PARD3B: variants seen among roughly 807,000 people sequenced by gnomAD.
The protein encoded by PARD3B is par-3 family cell polarity regulator beta, also known as partitioning defective 3 homolog B.
PARD3B carries 103 observed loss-of-function variants against 130.2 expected under a neutral mutation model. The ratio of observed to expected loss-of-function variants is 0.79; its 90% CI spans 0.67 to 0.93. The LOEUF is 0.93. Among genes scored for constraint, PARD3B ranks in the 40% least tolerant of loss-of-function variants. The probability of loss-of-function intolerance (pLI) is 0.00; values close to 1 mark genes in which losing one functional copy is unlikely to be tolerated. For synonymous variants in PARD3B, 583 were observed against 553.2 expected (o/e 1.05, Z -0.76); for missense variants, 1,609 against 1,499.2 (o/e 1.07, Z -1.21).
intron 2 of PARD3B, among the ~76,000 whole-genome samples, chr2:204,750,137 A>G (rs1009697053): frequency 6.6e-6 from 1 of 152,216 alleles, no homozygotes; most frequent in Admixed American, 6.5e-5. Flanking sequence ...CTTAGGTGGC[A>G]TAAGATTTGA....
At chr2:205,548,381 T>A (rs1225048117) in intron 21 of PARD3B, among the ~76,000 whole-genome samples, 3 of 152,122 alleles carry the variant, frequency 2.0e-5, no homozygotes, top group Non-Finnish European at 2.9e-5. Context: ...AGATATTCCC[T>A]CCTCCCACCT....
chr2:204,671,076 T>C (rs527849355), intron 1 of PARD3B, among the ~76,000 whole-genome samples: 1 of 152,234 alleles, frequency 6.6e-6, no homozygotes, highest in Non-Finnish European at 1.5e-5. Context: ...TTCCCATCTC[T>C]TGTGTGTTGG....
In PARD3B at chr2:205,375,366, AG is replaced by A. The variant is rs1248818771; in HGVS notation, c.2631-25645del. 2.6e-5 allele frequency among the ~76,000 whole-genome samples: 4 copies of A among 152,360 alleles called. No homozygotes were observed. The East Asian group carries it at 7.7e-4, about 29-fold the overall frequency. ...CTCATTCATTCCTTAAGAGAATAAT[AG>A]GAACTAAGGCTAAAGAAGTGAGTGA... On this transcript the variant is annotated intron_variant, in intron 18 of 22. Transcript: ENST00000406610.
intron 13 of PARD3B, among the ~76,000 whole-genome samples, chr2:205,184,114 T>C (rs2035958684): frequency 6.6e-6 from 1 of 152,118 alleles, no homozygotes; most frequent in Non-Finnish European, 1.5e-5. Flanking sequence ...CCCACCCCAT[T>C]AGAGGGGACA....
At chr2:205,504,968 T>C (rs1284048490) in intron 21 of PARD3B, among the ~76,000 whole-genome samples, 2 of 152,146 alleles carry the variant, frequency 1.3e-5, no homozygotes, top group East Asian at 1.9e-4. Flanking sequence ...CTATTCACAA[T>C]AGCAAAGACT....
chr2:205,068,845 G>A (rs904620448), intron 4 of PARD3B, among the ~76,000 whole-genome samples: 2 of 151,934 alleles, frequency 1.3e-5, no homozygotes, highest in South Asian at 4.2e-4. Context: ...TGTACCCATT[G>A]CTAATTTAAT....
intron 1 of PARD3B, among the ~76,000 whole-genome samples, chr2:204,647,660 T>A (rs1282696366): frequency 6.6e-6 from 1 of 151,846 alleles, no homozygotes; most frequent in Non-Finnish European, 1.5e-5. Context: ...ATAATTTAAA[T>A]GTTTTTAAGG....
chr2:204,960,106 C>A (rs186195736), intron 2 of PARD3B, among the ~76,000 whole-genome samples: 1 of 152,288 alleles, frequency 6.6e-6, no homozygotes, highest in East Asian at 1.9e-4. Context: ...CTGGACACAT[C>A]ACTGTTGAGC....
In PARD3B at chr2:205,116,037, G is replaced by A. The variant is rs1703999888; in HGVS notation, c.680+2460G>A. On this transcript the variant is annotated intron_variant, in intron 6 of 22. Coordinates refer to ENST00000406610, the MANE Select transcript of PARD3B (RefSeq NM_001302769.2). This position sits in a 1 kb window ranked among gnomAD's most constrained non-coding sequence, Gnocchi z 4.5. ...ATAAGTAAATTATAGTGGCTGCTCT[G>A]CTAGATAAAGCCTCAATGAATTCAT... Among the ~76,000 whole-genome samples the A allele has an allele frequency of 6.6e-6, 1 of 151,670 alleles. No homozygotes were observed. The highest frequency in any genetic ancestry group is 2.1e-4 in the South Asian group (1 of 4,814).
At position 205,037,066 on chromosome 2, in the gene PARD3B, G is replaced by A. The variant is rs865945803; in HGVS notation, c.395-10515G>A. 3.1e-5 allele frequency among the ~76,000 whole-genome samples: 4 copies of A among 128,758 alleles called. No homozygotes were observed. In the East Asian group the frequency reaches 7.1e-4, roughly 23 times the overall value. 84.5% of individuals were successfully genotyped at this position (128,758 alleles called of 152,430 possible). A position where few individuals can be genotyped will look rare whatever the true frequency, so the allele number is the denominator to read the frequency against. ...CATAAAACAAATATACATATGTAGCGGACTGTATATATAAAACAAATATAC... is the reference window on the plus strand; with the variant it reads ...CATAAAACAAATATACATATGTAGCAGACTGTATATATAAAACAAATATAC... On this transcript the variant is annotated intron_variant, in intron 3 of 22. Coordinates refer to ENST00000406610, the MANE Select transcript of PARD3B (RefSeq NM_001302769.2).
chr2:204,823,440 A>G (rs2043444713), intron 2 of PARD3B, among the ~76,000 whole-genome samples: 2 of 152,094 alleles, frequency 1.3e-5, no homozygotes, highest in African/African-American at 4.8e-5. Flanking sequence ...ACTATGGTAA[A>G]TATGGAGATG....
chr2:204,878,217 T>G (rs760401286), intron 2 of PARD3B, among the ~76,000 whole-genome samples: 33 of 152,170 alleles, frequency 2.2e-4, no homozygotes, highest in South Asian at 6.2e-4. Flanking sequence ...AAAAGCTAAT[T>G]ATGTGCCATC....
chr2:205,502,574 C>A (rs2050196385), intron 21 of PARD3B, among the ~76,000 whole-genome samples: 1 of 152,142 alleles, frequency 6.6e-6, no homozygotes, highest in African/African-American at 2.4e-5. Flanking sequence ...TCCCCCAAGT[C>A]CAGAGTCTCT....
chr2:205,254,616 TC>T (rs2039990311), intron 16 of PARD3B, among the ~76,000 whole-genome samples: 1 of 152,062 alleles, frequency 6.6e-6, no homozygotes, highest in South Asian at 2.1e-4. Context: ...ACTCTTTTGT[TC>T]CTACATTGAG....
chr2:205,073,741 C>T (rs994192502), intron 4 of PARD3B, among the ~76,000 whole-genome samples: 1 of 152,044 alleles, frequency 6.6e-6, no homozygotes, highest in Non-Finnish European at 1.5e-5. Flanking sequence ...GGCGTTAGAA[C>T]AGGAAACCAT....
At chr2:205,368,750 A>G (rs919499180) in intron 18 of PARD3B, among the ~76,000 whole-genome samples, 3 of 152,272 alleles carry the variant, frequency 2.0e-5, no homozygotes, top group East Asian at 1.9e-4. Context: ...TAATATTTCT[A>G]AAGTATTTGT....
At chr2:204,948,626 T>C (rs755723948) in intron 2 of PARD3B, among the ~76,000 whole-genome samples, 6 of 152,180 alleles carry the variant, frequency 3.9e-5, no homozygotes, top group Non-Finnish European at 2.9e-5. Context: ...TCCAGCAGAC[T>C]CTTCTCCAGT....
intron 1 of PARD3B, among the ~76,000 whole-genome samples, chr2:204,652,411 A>G (rs2125170307): frequency 1.3e-5 from 2 of 152,300 alleles, no homozygotes; most frequent in East Asian, 3.9e-4. Context: ...GCAGGGGCAA[A>G]ACATCACCAA....
chr2:205,410,868 A>G (rs997223000), intron 19 of PARD3B, among the ~76,000 whole-genome samples: 1 of 152,086 alleles, frequency 6.6e-6, no homozygotes, highest in South Asian at 2.1e-4. Context: ...TGCTCAATCT[A>G]TTGTCTTCTG....
Sources: gnomAD v4.1 joint callset for allele counts (sites outside exome capture counted in the v4.1 genomes callset) on GRCh38, gnomAD v4.1.1 for gene constraint, Gnocchi (gnomAD v3.1) non-coding constraint, MANE v1.5 for transcripts, NCBI Gene and HGNC (gene_info 2026-07-23, HGNC 2026-07-21) for gene names.